LBP: variants seen among roughly 807,000 people sequenced by gnomAD.
The protein encoded by LBP is lipopolysaccharide-binding protein.
LBP carries 53 observed loss-of-function variants against 56.6 expected under a neutral mutation model. That is an observed-to-expected ratio of 0.94 (90% confidence interval 0.75 to 1.18). The LOEUF is 1.18. Among genes scored for constraint, LBP ranks in the 50% most tolerant of loss-of-function variants. LBP has a pLI of 0.00. For synonymous variants in LBP, 227 were observed against 247.5 expected, an observed-to-expected ratio of 0.92 and a Z score of 0.78; for missense variants, 601 against 598.3, an observed-to-expected ratio of 1.00 and a Z score of -0.05.
chr20:38,350,970 C>T, intron 3 of LBP, 31 bp downstream of exon 3: 3 of 1,607,686 alleles, frequency 1.9e-6, no homozygotes, highest in Non-Finnish European at 2.6e-6. Flanking sequence ...GGCCCTGGAG[C>T]TCTTGGCCTT....
At position 38,355,421 on chromosome 20, in the gene LBP, C is replaced by T. The variant is rs763626062; in HGVS notation, c.588+12C>T. On this transcript the variant is annotated intron_variant, in intron 5 of 14. Transcript: ENST00000217407. ...TACTGGAGAGCAGGGTAAGAAGGTC[C>T]AAGCCTCTGGCCTCCCCCGAGCTTG... 4 of 1,612,176 alleles carry T rather than the reference C, an allele frequency of 2.5e-6. No homozygotes were observed. In the East Asian group the frequency reaches 8.9e-5, roughly 36 times the overall value.
intron 6 of LBP, among the ~76,000 whole-genome samples, chr20:38,363,679 T>A (rs2076869853): frequency 6.6e-6 from 1 of 152,042 alleles, no homozygotes; most frequent in East Asian, 1.9e-4. Context: ...AAGCTCCAGG[T>A]GTGGCTGGAG....
At chr20:38,355,212 G>A (rs993705706) in intron 4 of LBP, 134 bp from the exon 5 acceptor site, 1 of 751,140 alleles carries the variant, frequency 1.3e-6, no homozygotes, top group Non-Finnish European at 2.3e-6. Flanking sequence ...TGGATGTGCT[G>A]GGACACAGCA....
chr20:38,359,664 C>T (rs2076852981), intron 5 of LBP, among the ~76,000 whole-genome samples: 1 of 152,008 alleles, frequency 6.6e-6, no homozygotes, highest in South Asian at 2.1e-4. Flanking sequence ...CGAGTAATTA[C>T]AAAAGCAAGT....
rs750336540 is a variant in LBP at position 38,376,706 on chromosome 20, T to A, written c.*37T>A. ...ATGAAGCTTGGAGGTCACAGCTGGATCTGCTTGTTGCATTTCCAGCTGTGC... is the reference window on the plus strand; with the variant it reads ...ATGAAGCTTGGAGGTCACAGCTGGAACTGCTTGTTGCATTTCCAGCTGTGC... On this transcript the variant is annotated 3_prime_UTR_variant, in exon 15 of 15. Transcript: ENST00000217407. 31 of 1,577,654 alleles carry A rather than the reference T, an allele frequency of 2.0e-5. No homozygotes were observed. The South Asian group carries it at 3.1e-4, about 16-fold the overall frequency.
At chr20:38,361,414 C>CT (rs768195030) in intron 6 of LBP, among the ~76,000 whole-genome samples, 37 of 151,612 alleles carry the variant, frequency 2.4e-4, no homozygotes, top group Non-Finnish European at 4.4e-4. Flanking sequence ...TTCCAGATTT[C>CT]TTTTTTTTGA....
At chr20:38,361,625 G>A (rs544169024) in intron 6 of LBP, among the ~76,000 whole-genome samples, 2 of 151,838 alleles carry the variant, frequency 1.3e-5, no homozygotes, top group Admixed American at 6.6e-5. Context: ...GGCTGGTCTC[G>A]AACTCCTGGG....
intron 14 of LBP, among the ~76,000 whole-genome samples, chr20:38,374,885 G>A (rs536178927): frequency 1.0e-4 from 15 of 148,730 alleles, no homozygotes; most frequent in African/African-American, 3.7e-4. Context: ...CCAGGTTCAA[G>A]AGATTCTTGA....
chr20:38,376,478 G>A (rs1344016051), intron 14 of LBP, 147 bp from the exon 15 acceptor site: 11 of 732,006 alleles, frequency 1.5e-5, no homozygotes, highest in Non-Finnish European at 1.7e-5. Context: ...AGAGCTTGGG[G>A]ACTGAGGCAC....
chr20:38,351,077 G>T, intron 3 of LBP, 138 bp downstream of exon 3: 1 of 1,089,696 alleles, frequency 9.2e-7, no homozygotes, highest in South Asian at 1.6e-5. Flanking sequence ...GGTGGCCTGG[G>T]GATTGAGTCC....
rs779830629 is a variant in LBP at position 38,349,596 on chromosome 20, C to T, written c.173C>T (p.Thr58Met). 1.9e-5 allele frequency: 30 copies of T among 1,611,776 alleles called. No individual in the cohort carries two copies. Among genetic ancestry groups the T allele is most frequent in the African/African-American group, 1.7e-4 (13 of 74,890 alleles). Residue 58 changes from threonine to methionine, a missense_variant, in exon 2 of 15, where the codon ACG (threonine) becomes ATG (methionine). Physicochemically the swap from Thr to Met is moderately conservative, Grantham distance 81. Transcript: ENST00000217407. ...CTGCAGAGTGAGCTGCTCAGGATCA[C>T]GCTGCCTGACTTCACCGGGGACTTG... Reference protein sequence around the residue: ...LALQSELLRITLPDFTGDLRI... With the variant: ...LALQSELLRIMLPDFTGDLRI...
At chr20:38,356,209 CACAA>C (rs1344417154) in intron 5 of LBP, among the ~76,000 whole-genome samples, 1 of 100,246 alleles carries the variant, frequency 1.0e-5, no homozygotes, top group Non-Finnish European at 1.9e-5. Context: ...CCATACCCCA[CACAA>C]ACACACACAC....
intron 14 of LBP, among the ~76,000 whole-genome samples, chr20:38,375,865 A>AGGAC (rs1309998547): frequency 6.6e-6 from 1 of 152,178 alleles, no homozygotes; most frequent in Non-Finnish European, 1.5e-5. Context: ...GGGGATGATT[A>AGGAC]GGGACCTAGA....
intron 6 of LBP, among the ~76,000 whole-genome samples, chr20:38,361,687 G>C (rs917995073): frequency 2.6e-5 from 4 of 152,092 alleles, no homozygotes; most frequent in Non-Finnish European, 4.4e-5. Context: ...TGACAGGCAC[G>C]AGCCACTGTG....
intron 3 of LBP, among the ~76,000 whole-genome samples, chr20:38,352,564 G>T (rs925100578): frequency 6.6e-6 from 1 of 152,186 alleles, no homozygotes; most frequent in African/African-American, 2.4e-5. Flanking sequence ...AGACCAGCTT[G>T]GTCAACATGG....
At chr20:38,375,449 T>C (rs1476135906) in intron 14 of LBP, among the ~76,000 whole-genome samples, 4 of 151,778 alleles carry the variant, frequency 2.6e-5, no homozygotes, top group Admixed American at 2.6e-4. Context: ...GGCATGGTGG[T>C]GCGCACCTGT....
At chr20:38,370,112 A>T (rs2076896025) in intron 10 of LBP, among the ~76,000 whole-genome samples, 1 of 152,154 alleles carries the variant, frequency 6.6e-6, no homozygotes, top group Non-Finnish European at 1.5e-5. Context: ...GGTGGCTCAC[A>T]TCTGTAATCT....
intron 10 of LBP, among the ~76,000 whole-genome samples, chr20:38,369,393 A>G (rs886908449): frequency 6.6e-6 from 1 of 152,120 alleles, no homozygotes; most frequent in African/African-American, 2.4e-5. Context: ...GTTTACTACA[A>G]AGATACTTTG....
chr20:38,357,499 T>C (rs1365787605), intron 5 of LBP, among the ~76,000 whole-genome samples: 1 of 152,232 alleles, frequency 6.6e-6, no homozygotes, highest in African/African-American at 2.4e-5. Context: ...TCACGAATGC[T>C]TGCTCTCTGG....
Sources: allele counts gnomAD v4.1 joint callset (sites outside exome capture counted in the v4.1 genomes callset), GRCh38; gene constraint gnomAD v4.1.1; transcripts MANE v1.5; gene names NCBI Gene and HGNC (gene_info 2026-07-23, HGNC 2026-07-21).